The following TRIO variants were observed in gnomAD, a reference collection of about 807,000 sequenced individuals.
The protein encoded by TRIO is triple functional domain protein.
A neutral mutation model predicts 351.9 loss-of-function variants in TRIO; 58 were observed. The observed-to-expected ratio is 0.16, with a 90% confidence interval of 0.13 to 0.21. The LOEUF (loss-of-function observed/expected upper bound fraction) is 0.21, where lower values mean the gene tolerates loss of function less well. Among genes scored for constraint, TRIO ranks in the 10% least tolerant of loss-of-function variants. TRIO has a pLI of 1.00. For synonymous variants in TRIO, 1,758 were observed against 1,595.7 expected, an observed-to-expected ratio of 1.10 and a Z score of -2.42; for missense variants, 3,201 against 4,027.8, an observed-to-expected ratio of 0.79 and a Z score of 5.56.
chr5:14,508,660 T>G lies in TRIO; in HGVS notation c.*238T>G, dbSNP rs1271610994. 2.3e-6 allele frequency: 1 copy of G among 441,764 alleles called. No homozygotes were observed. The highest frequency in any genetic ancestry group is 2.0e-5 in the African/African-American group (1 of 49,906). 27.4% of individuals were successfully genotyped at this position (441,764 alleles called of 1,614,324 possible). ...GAGGTCGCATTGCTGTATCACAGTA[T>G]TTTATTCAGGTTTCTGCAAAAAAAT... On this transcript the variant is annotated 3_prime_UTR_variant, in exon 57 of 57. Coordinates refer to ENST00000344204, the MANE Select transcript of TRIO (RefSeq NM_007118.4).
intron 21 of TRIO, among the ~76,000 whole-genome samples, chr5:14,382,007 A>G (rs1354274555): frequency 1.3e-5 from 2 of 152,186 alleles, no homozygotes; most frequent in Non-Finnish European, 2.9e-5. Context: ...TCAAGTCACC[A>G]TTACAACCTG....
At chr5:14,217,100 G>C (rs1468112826) in intron 1 of TRIO, among the ~76,000 whole-genome samples, 1 of 152,204 alleles carries the variant, frequency 6.6e-6, no homozygotes, top group Non-Finnish European at 1.5e-5. Context: ...ATGCGTCACC[G>C]AGTTCTCTGA....
In TRIO at chr5:14,487,773, C is replaced by G; in HGVS notation, c.7145C>G (p.Ala2382Gly). 15 of 1,363,648 alleles carry G rather than the reference C, an allele frequency of 1.1e-5. No individual in the cohort carries two copies. The highest frequency in any genetic ancestry group is 1.4e-5 in the Non-Finnish European group (15 of 1,056,020). 84.5% of individuals were successfully genotyped at this position (1,363,648 alleles called of 1,614,324 possible). A position where few individuals can be genotyped will look rare whatever the true frequency, so the allele number is the denominator to read the frequency against. The stretch of plus-strand genomic sequence containing the variant: ...CCCTCCCTGCCTCCCCCTGGCGCGG[C>G]CCCCGAGGCCGGCCCCAGCGCGCCC... ...PGPSLPPPGA[A>G]PEAGPSAPSR... Residue 2382 changes from alanine (A) to glycine (G), a missense_variant, in exon 48 of 57, where the codon GCC becomes GGC. Coordinates refer to ENST00000344204, the MANE Select transcript of TRIO (RefSeq NM_007118.4).
chr5:14,468,860 C>A (rs1651320), intron 37 of TRIO, among the ~76,000 whole-genome samples: 13 of 152,180 alleles, frequency 8.5e-5, no homozygotes, highest in Admixed American at 2.6e-4. Flanking sequence ...ACTGAACCTA[C>A]CTAAACCTAA....
At chr5:14,291,360 G>T in intron 5 of TRIO, 132 bp downstream of exon 5, 13 of 970,018 alleles carry the variant, frequency 1.3e-5, no homozygotes, top group Non-Finnish European at 1.9e-5. Flanking sequence ...ACCAGCGAGA[G>T]TCATTTCAGA....
chr5:14,271,717 C>T (rs1795985498), intron 2 of TRIO, among the ~76,000 whole-genome samples: 1 of 152,190 alleles, frequency 6.6e-6, no homozygotes, highest in South Asian at 2.1e-4. Flanking sequence ...ATGAATTTCC[C>T]TTGAGAATTT....
At chr5:14,337,994 T>G (rs1741581559) in intron 11 of TRIO, among the ~76,000 whole-genome samples, 1 of 152,218 alleles carries the variant, frequency 6.6e-6, no homozygotes, top group African/African-American at 2.4e-5. Flanking sequence ...ATGCCATCAC[T>G]GAAATTGCTC....
At chr5:14,147,708 G>C (rs1787598123) in intron 1 of TRIO, among the ~76,000 whole-genome samples, 2 of 152,202 alleles carry the variant, frequency 1.3e-5, no homozygotes, top group Admixed American at 6.5e-5. Flanking sequence ...ATTTTGATAT[G>C]ACGGTTTCCT....
chr5:14,328,190 TA>T, intron 9 of TRIO, among the ~76,000 whole-genome samples: 1 of 152,268 alleles, frequency 6.6e-6, no homozygotes, highest in Non-Finnish European at 1.5e-5. Context: ...ATACACCAGT[TA>T]AAACAACGCG....
chr5:14,309,802 T>G (rs933233596), intron 8 of TRIO, among the ~76,000 whole-genome samples: 1 of 152,106 alleles, frequency 6.6e-6, no homozygotes, highest in African/African-American at 2.4e-5. Flanking sequence ...CTTGCTTTGC[T>G]TTTTTTTATT....
At chr5:14,444,284 A>G (rs947270797) in intron 34 of TRIO, among the ~76,000 whole-genome samples, 2 of 152,262 alleles carry the variant, frequency 1.3e-5, no homozygotes, top group South Asian at 2.1e-4. Context: ...CTGTCAGTAC[A>G]TGGAATATTC....
At chr5:14,180,807 G>C (rs1789720250) in intron 1 of TRIO, among the ~76,000 whole-genome samples, 1 of 151,896 alleles carries the variant, frequency 6.6e-6, no homozygotes, top group Non-Finnish European at 1.5e-5. Context: ...TTCAGCCTGG[G>C]TGACAGAGTG....
intron 1 of TRIO, among the ~76,000 whole-genome samples, chr5:14,200,532 T>G (rs567317754): frequency 1.9e-4 from 29 of 152,328 alleles, no homozygotes; most frequent in African/African-American, 6.7e-4. Flanking sequence ...GCATTGTAAG[T>G]ATTCAGTATA....
intron 33 of TRIO, among the ~76,000 whole-genome samples, chr5:14,409,781 G>T (rs542510094): frequency 6.8e-6 from 1 of 147,292 alleles, no homozygotes; most frequent in South Asian, 2.1e-4. Flanking sequence ...CTTGCAGTGA[G>T]CCAAGATCAG....
chr5:14,333,653 C>T (rs1278382215), intron 10 of TRIO, among the ~76,000 whole-genome samples: 1 of 152,176 alleles, frequency 6.6e-6, no homozygotes, highest in Non-Finnish European at 1.5e-5. Context: ...CCATTGAATT[C>T]TAAGTACAGC....
At chr5:14,331,257 T>C (rs529457436) in intron 10 of TRIO, among the ~76,000 whole-genome samples, 35 of 152,336 alleles carry the variant, frequency 2.3e-4, no homozygotes, top group African/African-American at 8.4e-4. Context: ...TTGTTCTGTT[T>C]GCATTTCTTT....
intron 1 of TRIO, among the ~76,000 whole-genome samples, chr5:14,218,525 C>T (rs534267766): frequency 2.2e-4 from 33 of 152,288 alleles, no homozygotes; most frequent in African/African-American, 7.5e-4. Flanking sequence ...ACAAAAAAAC[C>T]TCAAAACCCA....
intron 8 of TRIO, among the ~76,000 whole-genome samples, chr5:14,314,889 G>T (rs1258156110): frequency 1.3e-5 from 2 of 152,150 alleles, no homozygotes; most frequent in Non-Finnish European, 2.9e-5. Flanking sequence ...TAACTTGGTT[G>T]GTTTTTCCTT....
At chr5:14,147,618 T>G (rs986189279) in intron 1 of TRIO, among the ~76,000 whole-genome samples, 2 of 152,234 alleles carry the variant, frequency 1.3e-5, no homozygotes, top group Non-Finnish European at 2.9e-5. Flanking sequence ...CTTACTCGAC[T>G]CCTCCTGCAG....
Sources: gnomAD v4.1 joint callset for allele counts (sites outside exome capture counted in the v4.1 genomes callset) on GRCh38, gnomAD v4.1.1 for gene constraint, MANE v1.5 for transcripts, NCBI Gene and HGNC (gene_info 2026-07-23, HGNC 2026-07-21) for gene names.